HECW1: variants seen among roughly 807,000 people sequenced by gnomAD.
The protein encoded by HECW1 is HECT, C2 and WW domain containing E3 ubiquitin protein ligase 1.
A neutral mutation model predicts 182.3 loss-of-function variants in HECW1; 61 were observed. That is an observed-to-expected ratio of 0.33 (90% CI 0.27 to 0.41). HECW1 has a LOEUF of 0.41. Ranked by LOEUF, HECW1 falls within the 10% of genes least tolerant of loss-of-function variation. The probability of loss-of-function intolerance (pLI) is 1.00; values close to 1 mark genes in which losing one functional copy is unlikely to be tolerated. For synonymous variants in HECW1, 859 were observed against 832.6 expected, an observed-to-expected ratio of 1.03 and a Z score of -0.55; for missense variants, 1,739 against 2,108.9, an observed-to-expected ratio of 0.82 and a Z score of 3.44.
At chr7:43,215,869 G>A (rs2152698705) in intron 2 of HECW1, among the ~76,000 whole-genome samples, 1 of 152,318 alleles carries the variant, frequency 6.6e-6, no homozygotes, top group South Asian at 2.1e-4. Flanking sequence ...GCCTCTCTCT[G>A]TAGCTTTGTT....
chr7:43,460,559 C>A (rs987235767), intron 13 of HECW1, among the ~76,000 whole-genome samples: 1 of 149,888 alleles, frequency 6.7e-6, no homozygotes, highest in Non-Finnish European at 1.5e-5. Context: ...TGCGTGTGTG[C>A]GTGTGTGTGT....
chr7:43,270,583 A>G (rs1428839379), intron 3 of HECW1, among the ~76,000 whole-genome samples: 1 of 152,194 alleles, frequency 6.6e-6, no homozygotes, highest in African/African-American at 2.4e-5. Flanking sequence ...TTCAGTGTGG[A>G]AGGGCACTTC....
At chr7:43,289,232 G>C (rs542801668) in intron 3 of HECW1, among the ~76,000 whole-genome samples, 1 of 151,780 alleles carries the variant, frequency 6.6e-6, no homozygotes, top group Admixed American at 6.6e-5. Flanking sequence ...TCAGCCTCCC[G>C]AGTAGATGGG....
At chr7:43,209,688 A>G (rs1216179526) in intron 2 of HECW1, among the ~76,000 whole-genome samples, 1 of 152,214 alleles carries the variant, frequency 6.6e-6, no homozygotes. Flanking sequence ...CTGGAGTATC[A>G]ATGTCTTTCC....
At chr7:43,283,309 A>T (rs1487143464) in intron 3 of HECW1, among the ~76,000 whole-genome samples, 1 of 152,210 alleles carries the variant, frequency 6.6e-6, no homozygotes. Context: ...AGTTTTTCAG[A>T]AGCTCCATGA....
intron 3 of HECW1, among the ~76,000 whole-genome samples, chr7:43,292,662 AC>A: frequency 6.6e-6 from 1 of 151,880 alleles, no homozygotes; most frequent in East Asian, 1.9e-4. Context: ...TAGGAAGGTG[AC>A]CTTTGGTGAC....
intron 3 of HECW1, among the ~76,000 whole-genome samples, chr7:43,305,380 A>G (rs75786724): frequency 0.077 from 10,526 of 137,140 alleles, 469 homozygotes; most frequent in Middle Eastern, 0.14. Flanking sequence ...TCAGAGAAGT[A>G]TCTGAATCTC....
chr7:43,253,621 T>C (rs1800259726), intron 3 of HECW1, among the ~76,000 whole-genome samples: 1 of 152,294 alleles, frequency 6.6e-6, no homozygotes, highest in South Asian at 2.1e-4. Context: ...AAATATATCA[T>C]CAACTTTGAC....
intron 24 of HECW1, among the ~76,000 whole-genome samples, chr7:43,522,075 C>G (rs949649634): frequency 3.3e-5 from 5 of 152,126 alleles, no homozygotes; most frequent in African/African-American, 1.2e-4. Context: ...CTTACCAGAC[C>G]CTGAATCTTT....
chr7:43,402,982 C>A (rs2075477266), intron 7 of HECW1, among the ~76,000 whole-genome samples: 1 of 152,124 alleles, frequency 6.6e-6, no homozygotes, highest in African/African-American at 2.4e-5. Context: ...AAAATTAGGG[C>A]TTGGTTAAAT....
chr7:43,203,565 C>G (rs1258659318), intron 2 of HECW1, among the ~76,000 whole-genome samples: 1 of 152,218 alleles, frequency 6.6e-6, no homozygotes, highest in East Asian at 1.9e-4. Flanking sequence ...ATTCTCCTGC[C>G]TCAGCCTCCT....
intron 8 of HECW1, among the ~76,000 whole-genome samples, chr7:43,437,770 G>A (rs1428784929): frequency 6.6e-6 from 1 of 152,132 alleles, no homozygotes; most frequent in Non-Finnish European, 1.5e-5. Flanking sequence ...AAAGCATGCT[G>A]ATTTTACTGC....
At chr7:43,129,309 G>A in intron 2 of HECW1, among the ~76,000 whole-genome samples, 1 of 152,226 alleles carries the variant, frequency 6.6e-6, no homozygotes, top group East Asian at 1.9e-4. Flanking sequence ...CCACCACCCT[G>A]ATCAGTCAGC....
chr7:43,359,521 A>C (rs1279351772), intron 5 of HECW1, among the ~76,000 whole-genome samples: 2 of 152,208 alleles, frequency 1.3e-5, no homozygotes, highest in African/African-American at 4.8e-5. Context: ...TGTTCTGTAT[A>C]ATAAGTAATG....
intron 2 of HECW1, among the ~76,000 whole-genome samples, chr7:43,123,549 G>A (rs553723186): frequency 6.6e-6 from 1 of 152,290 alleles, no homozygotes; most frequent in East Asian, 1.9e-4. Context: ...GGACTTTAAT[G>A]AAAAGCTGTG....
At chr7:43,114,522 C>CTACCAACAGGGAATTCTA in intron 2 of HECW1, 131 bp downstream of exon 2, 2 of 800,374 alleles carry the variant, frequency 2.5e-6, no homozygotes, top group Non-Finnish European at 3.5e-6. Context: ...TGGTAGAATT[C>CTACCAACAGGGAATTCTA]CCTGTTGGTA....
chr7:43,215,625 C>T (rs1274651137), intron 2 of HECW1, among the ~76,000 whole-genome samples: 1 of 152,190 alleles, frequency 6.6e-6, no homozygotes, highest in Non-Finnish European at 1.5e-5. Flanking sequence ...GTTATCACCA[C>T]TCTTTATGCA....
chr7:43,552,193 T>C (rs570638785), intron 27 of HECW1, 29 bp from the exon 28 acceptor site: 5 of 1,393,820 alleles, frequency 3.6e-6, no homozygotes, highest in African/African-American at 1.4e-5. Context: ...TGTTTGGACC[T>C]GGATGCTGAA....
At chr7:43,491,950 A>T in intron 17 of HECW1, 125 bp from the exon 18 acceptor site, 1 of 655,666 alleles carries the variant, frequency 1.5e-6, no homozygotes, top group Non-Finnish European at 2.7e-6. Flanking sequence ...CTTTTCCATC[A>T]CTTTTTTACT....
Sources: allele counts gnomAD v4.1 joint callset (sites outside exome capture counted in the v4.1 genomes callset), GRCh38; gene constraint gnomAD v4.1.1; transcripts MANE v1.5; gene names NCBI Gene and HGNC (gene_info 2026-07-23, HGNC 2026-07-21).